Variants in GRIN2B observed in about 807,000 individuals in gnomAD.
The protein encoded by GRIN2B is glutamate receptor ionotropic, NMDA 2B.
A neutral mutation model predicts 114.5 loss-of-function variants in GRIN2B; 5 were observed. The observed-to-expected ratio is 0.04, with a 90% CI of 0.02 to 0.09. The LOEUF is 0.09. Ranked by LOEUF, GRIN2B falls within the 10% of genes least tolerant of loss-of-function variation. The pLI is 1.00. For synonymous variants in GRIN2B, 787 were observed against 745.1 expected (o/e 1.06, Z -0.92); for missense variants, 1,108 against 1,943.5 (o/e 0.57, Z 8.08).
intron 10 of GRIN2B, among the ~76,000 whole-genome samples, chr12:13,579,050 G>A (rs1948811802): frequency 6.6e-6 from 1 of 152,172 alleles, no homozygotes; most frequent in African/African-American, 2.4e-5. Flanking sequence ...TCTCGATGGT[G>A]TCCCAGAGCC....
At chr12:13,761,576 C>G (rs1316438952) in intron 3 of GRIN2B, among the ~76,000 whole-genome samples, 1 of 152,190 alleles carries the variant, frequency 6.6e-6, no homozygotes, top group Admixed American at 6.5e-5. Flanking sequence ...GTTTGTGCCC[C>G]TTTGTAAGGT....
intron 3 of GRIN2B, among the ~76,000 whole-genome samples, chr12:13,853,609 T>G (rs1480561264): frequency 2.0e-5 from 3 of 152,196 alleles, no homozygotes; most frequent in African/African-American, 7.2e-5. Context: ...TTGCCATGTC[T>G]GTCTGCTAAA....
intron 2 of GRIN2B, among the ~76,000 whole-genome samples, chr12:13,940,973 A>G (rs555018028): frequency 5.1e-4 from 77 of 151,874 alleles, no homozygotes; most frequent in Non-Finnish European, 9.4e-4. Context: ...CCTCTCTCCA[A>G]TTTCCCTTCA....
intron 4 of GRIN2B, among the ~76,000 whole-genome samples, chr12:13,746,405 G>T (rs964092686): frequency 2.0e-5 from 3 of 152,066 alleles, no homozygotes; most frequent in Non-Finnish European, 4.4e-5. Context: ...AGGCTTGTCT[G>T]CTTTCTCCAC....
At chr12:13,587,637 G>C (rs1005899451) in intron 10 of GRIN2B, among the ~76,000 whole-genome samples, 1 of 152,162 alleles carries the variant, frequency 6.6e-6, no homozygotes, top group Non-Finnish European at 1.5e-5. Flanking sequence ...TTATAGGCAT[G>C]AGCCACCACA....
chr12:13,836,888 T>C (rs1865278412), intron 3 of GRIN2B, among the ~76,000 whole-genome samples: 1 of 152,190 alleles, frequency 6.6e-6, no homozygotes, highest in African/African-American at 2.4e-5. Flanking sequence ...CCAGGTAACC[T>C]GATGAGCCCC....
intron 4 of GRIN2B, among the ~76,000 whole-genome samples, chr12:13,713,225 T>C (rs1009148525): frequency 6.6e-6 from 1 of 151,952 alleles, no homozygotes; most frequent in African/African-American, 2.4e-5. Context: ...TTTTTTCCCC[T>C]ACTCTTGGTC....
At chr12:13,939,211 C>T (rs182897867) in intron 2 of GRIN2B, among the ~76,000 whole-genome samples, 30 of 152,252 alleles carry the variant, frequency 2.0e-4, no homozygotes, top group African/African-American at 6.0e-4. Flanking sequence ...TTCAAAAACA[C>T]AAAATACATT....
intron 4 of GRIN2B, among the ~76,000 whole-genome samples, chr12:13,748,850 A>G (rs1477309003): frequency 6.6e-6 from 1 of 152,266 alleles, no homozygotes; most frequent in Non-Finnish European, 1.5e-5. Context: ...TGAATTTCAG[A>G]TAAATAACAA....
chr12:13,737,030 C>CAAAAA lies in GRIN2B; in HGVS notation c.1010+16282_1010+16286dup, dbSNP rs368902113. Among the ~76,000 whole-genome samples the CAAAAA allele has an allele frequency of 1.4e-4, 14 of 100,492 alleles. 1 individual carries two copies. The East Asian group carries it at 1.4e-3, about 10-fold the overall frequency. The allele number at this position is 100,492 out of a possible 152,430, so 65.9% of individuals were successfully genotyped here. On this transcript the variant is annotated intron_variant, in intron 4 of 13. Transcript: ENST00000609686. ...GGGCAACAAGAGAGAAACTCCATCT[C>CAAAAA]AAAAAAAAAAAAAAAAGAAGAAGAA... is the stretch of plus-strand genomic sequence containing the variant.
At chr12:13,888,348 G>A (rs545621986) in intron 2 of GRIN2B, among the ~76,000 whole-genome samples, 6 of 151,834 alleles carry the variant, frequency 4.0e-5, no homozygotes, top group South Asian at 2.1e-4. Context: ...GCTGAATACC[G>A]TAGGCACTTG....
intron 2 of GRIN2B, among the ~76,000 whole-genome samples, chr12:13,975,571 A>G (rs553140418): frequency 2.6e-5 from 4 of 152,198 alleles, no homozygotes; most frequent in African/African-American, 9.7e-5. Context: ...CTCATCTAAC[A>G]ACAAAATTTT....
rs1948781449 is a variant in GRIN2B at position 13,576,618 on chromosome 12, CT to C, written c.2011-4655del. ...CTGGAGTGCAGTGTTGCGATCTTGG[CT>C]CACTGAAACCTCAACTTCAACCTCC... is the stretch of plus-strand genomic sequence containing the variant. On this transcript the variant is annotated intron_variant, in intron 10 of 13. Transcript: ENST00000609686. 2.6e-5 allele frequency among the ~76,000 whole-genome samples: 4 copies of C among 151,726 alleles called. No homozygotes were observed. The South Asian group carries it at 8.3e-4, about 32-fold the overall frequency.
intron 2 of GRIN2B, among the ~76,000 whole-genome samples, chr12:13,888,436 T>A (rs374099543): frequency 1.1e-4 from 16 of 145,912 alleles, no homozygotes; most frequent in South Asian, 2.2e-4. Flanking sequence ...GCATAAAAGA[T>A]AAAAAAAAAA....
intron 11 of GRIN2B, 139 bp from the exon 12 acceptor site, chr12:13,570,156 GCC>G: frequency 1.5e-6 from 1 of 674,054 alleles, no homozygotes; most frequent in Non-Finnish European, 2.6e-6. Flanking sequence ...TTGGAACTCT[GCC>G]AGAATCTAAA....
intron 2 of GRIN2B, among the ~76,000 whole-genome samples, chr12:13,903,753 G>A (rs1009449603): frequency 3.3e-5 from 5 of 151,860 alleles, no homozygotes; most frequent in African/African-American, 7.3e-5. Flanking sequence ...CATATTAATC[G>A]AATCTCCTAT....
intron 3 of GRIN2B, among the ~76,000 whole-genome samples, chr12:13,763,974 T>C (rs1160131637): frequency 6.6e-6 from 1 of 152,100 alleles, no homozygotes; most frequent in Non-Finnish European, 1.5e-5. Context: ...CTTCTGAGGT[T>C]CTAACTGCTT....
chr12:13,808,763 A>ATATATATATATATG (rs1864669081), intron 3 of GRIN2B, among the ~76,000 whole-genome samples: 1 of 146,884 alleles, frequency 6.8e-6, no homozygotes, highest in South Asian at 2.1e-4. Context: ...ATATATATAT[A>ATATATATATATATG]TATATATACA....
At chr12:13,784,663 CT>C (rs35859853) in intron 3 of GRIN2B, among the ~76,000 whole-genome samples, 18,600 of 152,218 alleles carry the variant, frequency 0.12, 1,468 homozygotes, top group Middle Eastern at 0.18. Flanking sequence ...CCTCCAGAGG[CT>C]TTGCATACTT....
Sources: allele counts gnomAD v4.1 joint callset (sites outside exome capture counted in the v4.1 genomes callset), GRCh38; gene constraint gnomAD v4.1.1; transcripts MANE v1.5; gene names NCBI Gene and HGNC (gene_info 2026-07-23, HGNC 2026-07-21).